BLM: variants seen among roughly 807,000 people sequenced by gnomAD.
The protein encoded by BLM is recQ-like DNA helicase BLM.
A neutral mutation model predicts 135.3 loss-of-function variants in BLM; 95 were observed. The observed-to-expected ratio is 0.70, with a 90% CI of 0.59 to 0.83. The LOEUF (loss-of-function observed/expected upper bound fraction) is 0.83. Among genes scored for constraint, BLM ranks in the 40% least tolerant of loss-of-function variants. BLM has a pLI of 0.00. For missense variants in BLM, 1,518 were observed against 1,663.9 expected, an observed-to-expected ratio of 0.91 and a Z score of 1.53; for synonymous variants, 520 against 589.2, an observed-to-expected ratio of 0.88 and a Z score of 1.70.
chr15:90,736,849 A>G (rs1895231907), intron 1 of BLM, among the ~76,000 whole-genome samples: 1 of 152,224 alleles, frequency 6.6e-6, no homozygotes, highest in Non-Finnish European at 1.5e-5. Context: ...GCAAAAAGAA[A>G]AACAGGAAAG....
chr15:90,717,626 G>A (rs534218992), intron 1 of BLM, among the ~76,000 whole-genome samples, 186 bp downstream of exon 1: 10 of 152,216 alleles, frequency 6.6e-5, no homozygotes, highest in Non-Finnish European at 1.0e-4. Context: ...GTTCCCAAAT[G>A]GGGAAACAGA....
intron 4 of BLM, among the ~76,000 whole-genome samples, chr15:90,752,693 C>T (rs758460853): frequency 2.0e-5 from 3 of 152,010 alleles, no homozygotes; most frequent in Non-Finnish European, 2.9e-5. Context: ...GGTAGTATTA[C>T]GAGAAAAATA....
At chr15:90,802,411 A>G (rs1170776084) in intron 17 of BLM, among the ~76,000 whole-genome samples, 1 of 152,244 alleles carries the variant, frequency 6.6e-6, no homozygotes, top group Non-Finnish European at 1.5e-5. Context: ...TGAATGAAAC[A>G]AAGGATCCAG....
chr15:90,775,670 C>T (rs186765722), intron 12 of BLM, among the ~76,000 whole-genome samples: 137 of 151,924 alleles, frequency 9.0e-4, no homozygotes, highest in African/African-American at 3.2e-3. Context: ...TGCCGCCATG[C>T]CCGGCTAATT....
At chr15:90,792,183 G>T (rs879368319) in intron 15 of BLM, among the ~76,000 whole-genome samples, 1 of 148,964 alleles carries the variant, frequency 6.7e-6, no homozygotes, top group Non-Finnish European at 1.5e-5. Context: ...TCGGCCCACT[G>T]CAACCTCTGC....
At chr15:90,771,783 A>G (rs1896325403) in intron 12 of BLM, among the ~76,000 whole-genome samples, 1 of 152,174 alleles carries the variant, frequency 6.6e-6, no homozygotes, top group Non-Finnish European at 1.5e-5. Context: ...GCAAATGCCT[A>G]TAGTTAAATG....
At chr15:90,778,374 G>A (rs750570316) in intron 12 of BLM, among the ~76,000 whole-genome samples, 17 of 152,056 alleles carry the variant, frequency 1.1e-4, no homozygotes, top group Non-Finnish European at 2.4e-4. Context: ...GCTTTGTTGC[G>A]GTATAATCCA....
chr15:90,773,421 AAAAC>A (rs572374759), intron 12 of BLM, among the ~76,000 whole-genome samples: 12 of 152,028 alleles, frequency 7.9e-5, no homozygotes, highest in Non-Finnish European at 1.5e-4. Context: ...CTCCATCTGA[AAAAC>A]AAACAAACAA....
At position 90,815,200 on chromosome 15, in the gene BLM, C is replaced by G. The variant is rs1397394866; in HGVS notation, c.4175C>G (p.Ala1392Gly). The G allele has an allele frequency of 6.2e-7, 1 of 1,614,172 alleles. No homozygotes were observed. Among genetic ancestry groups the G allele is most frequent in the Non-Finnish European group, 8.5e-7 (1 of 1,180,022 alleles). Residue 1392 changes from alanine to glycine, a missense_variant, in exon 22 of 22, where the codon GCC (alanine) becomes GGC (glycine). Ala to Gly is a moderately conservative substitution (Grantham distance 60). Transcript: ENST00000355112. The surrounding 1 kb of genome is among the most constrained non-coding windows in gnomAD (Gnocchi z 4.6). ...CATACTTCTCAAGCGACATCAGGAG[C>G]CAATAGCAAATTGGGGATTATGGCT... The part of the protein sequence containing the change: ...ASHTSQATSG[A>G]NSKLGIMAPP...
Position 90,721,943 on chromosome 15 carries a change from T to A in BLM, c.-5+4503T>A, listed in dbSNP as rs550865128. ...AGACTGCATCTCAAAAAAAAAAAAA[T>A]TTTCTTTATTATGACAACCAAGATA... On this transcript the variant is annotated intron_variant, in intron 1 of 21. Coordinates refer to ENST00000355112, the MANE Select transcript of BLM (RefSeq NM_000057.4). Among the ~76,000 whole-genome samples the A allele has an allele frequency of 9.8e-4, 147 of 150,376 alleles. 1 individual carries two copies. Among genetic ancestry groups the A allele is most frequent in the African/African-American group, 3.2e-3 (131 of 40,892 alleles).
At chr15:90,721,951 A>C (rs569209582) in intron 1 of BLM, among the ~76,000 whole-genome samples, 1 of 151,600 alleles carries the variant, frequency 6.6e-6, no homozygotes, top group Non-Finnish European at 1.5e-5. Context: ...AATTTTCTTT[A>C]TTATGACAAC....
At position 90,794,226 on chromosome 15, in the gene BLM, G is replaced by A. The variant is rs1300299815; in HGVS notation, c.3079G>A (p.Val1027Ile). The change falls in exon 16 of 22, where the codon GTA (valine) becomes ATA (isoleucine). Residue 1027 changes from valine (V) to isoleucine (I), a missense_variant. Val to Ile is a conservative substitution (Grantham distance 29). Coordinates refer to ENST00000355112, the MANE Select transcript of BLM (RefSeq NM_000057.4). Reference sequence around the variant, plus strand: ...TCACTTCAATAATTTGTATAGCATGGTACATTACTGTGAAAATATAACGGA... The same window carrying A: ...TCACTTCAATAATTTGTATAGCATGATACATTACTGTGAAAATATAACGGA... ...ETHFNNLYSM[V>I]HYCENITECR... The A allele has an allele frequency of 5.0e-6, 8 of 1,606,420 alleles. No homozygotes were observed. Among genetic ancestry groups the A allele is most frequent in the Non-Finnish European group, 6.8e-6 (8 of 1,175,598 alleles).
At position 90,766,969 on chromosome 15, in the gene BLM, C is replaced by T; in HGVS notation, c.2253C>T (p.Leu751=). The change falls in exon 10 of 22, where the codon CTC becomes CTT. Residue 751 remains leucine (L), a synonymous_variant. Coordinates refer to ENST00000355112, the MANE Select transcript of BLM (RefSeq NM_000057.4). ...ACTCAGAAGCTACAAATATTTACCT[C>T]CAGTTATCAAAAAAAGACCCAATCA... The part of the protein sequence containing the change: ...KTDSEATNIY[L]QLSKKDPIIK... The T allele has an allele frequency of 6.2e-7, 1 of 1,605,640 alleles. No homozygotes were observed.
rs568400725 is a variant in BLM, at chr15:90,782,745, G to A, written c.2556-77G>A. On this transcript the variant is annotated intron_variant, in intron 12 of 21. Transcript: ENST00000355112. ...CACTGGGGGTTAGGATTTTAGGGGG[G>A]ACACATGTAGTCTATAACAATACCT... 7 of 1,106,200 alleles carry A rather than the reference G, an allele frequency of 6.3e-6. No individual in the cohort carries two copies. The East Asian group carries it at 1.7e-4, about 28-fold the overall frequency. The allele number at this position is 1,106,200 out of a possible 1,614,324, so 68.5% of individuals were successfully genotyped here. A position where few individuals can be genotyped will look rare whatever the true frequency, so the allele number is the denominator to read the frequency against.
chr15:90,772,156 T>G lies in BLM; in HGVS notation c.2555+2570T>G, dbSNP rs546780276. Among the ~76,000 whole-genome samples the G allele has an allele frequency of 4.6e-5, 7 of 152,340 alleles. No homozygotes were observed. In the South Asian group the frequency reaches 1.0e-3, roughly 23 times the overall value. ...TGGGACTCTGTTTCCTGATCTTTTC[T>G]GCCAGTAGGCCCTGGTTTGGATTAA... On this transcript the variant is annotated intron_variant, in intron 12 of 21. Transcript: ENST00000355112.
intron 21 of BLM, among the ~76,000 whole-genome samples, chr15:90,814,087 A>C (rs1897492274): frequency 6.6e-6 from 1 of 152,250 alleles, no homozygotes; most frequent in African/African-American, 2.4e-5. Flanking sequence ...CATCTCTGCC[A>C]GTCTAGCAGA....
rs1388117642 is a variant in BLM at position 90,812,808 on chromosome 15, G to A, written c.4076+1402G>A. Among the ~76,000 whole-genome samples, 2 of 152,200 alleles carry A rather than the reference G, an allele frequency of 1.3e-5. 1 individual carries two copies. The highest frequency in any genetic ancestry group is 4.8e-5 in the African/African-American group (2 of 41,442). ...TTGTTAAGTCCATAAACAAAATCTT[G>A]TATGTGCTAATCCTCCTGCCAGAGT... On this transcript the variant is annotated intron_variant, in intron 21 of 21. Transcript: ENST00000355112.
intron 1 of BLM, among the ~76,000 whole-genome samples, chr15:90,732,947 G>T (rs1023592515): frequency 1.3e-5 from 2 of 152,250 alleles, no homozygotes; most frequent in Admixed American, 1.3e-4. Flanking sequence ...CAAAAACTTA[G>T]CCAGGCGTGG....
chr15:90,801,745 GA>G (rs28385127), intron 17 of BLM, among the ~76,000 whole-genome samples: 1,596 of 152,224 alleles, frequency 0.01, 34 homozygotes, highest in African/African-American at 0.036. Context: ...TGAGTCAGGG[GA>G]ATGTTGCTTT....
Sources: allele counts gnomAD v4.1 joint callset (sites outside exome capture counted in the v4.1 genomes callset), GRCh38; gene constraint gnomAD v4.1.1; non-coding constraint Gnocchi (gnomAD v3.1); transcripts MANE v1.5; gene names NCBI Gene and HGNC (gene_info 2026-07-23, HGNC 2026-07-21).